Variants in ADAM12 observed in about 807,000 individuals in gnomAD.
The protein encoded by ADAM12 is ADAM metallopeptidase domain 12.
ADAM12 carries 70 observed loss-of-function variants against 106.4 expected under a neutral mutation model. The ratio of observed to expected loss-of-function variants is 0.66; its 90% CI spans 0.54 to 0.80. The LOEUF is 0.80. ADAM12 is among the 30% of genes least tolerant of loss of function. ADAM12 has a pLI of 0.00. For missense variants in ADAM12, 1,010 were observed against 1,171.9 expected, an observed-to-expected ratio of 0.86 and a Z score of 2.02; for synonymous variants, 420 against 433.5, an observed-to-expected ratio of 0.97 and a Z score of 0.39.
At chr10:126,287,513 T>C (rs1959925366) in intron 2 of ADAM12, among the ~76,000 whole-genome samples, 2 of 152,148 alleles carry the variant, frequency 1.3e-5, no homozygotes, top group Admixed American at 6.5e-5. Flanking sequence ...AGCTTAGTGA[T>C]GCCCTTTCTT....
rs1309349876 is a variant in ADAM12 at position 126,066,939 on chromosome 10, C to A, written c.1324-133G>T. On this transcript the variant is annotated intron_variant, in intron 12 of 22. Transcript: ENST00000448723. This position sits in a 1 kb window ranked among gnomAD's most constrained non-coding sequence, Gnocchi z 5.1. ...GCCCAGCTCCTGAACTGCACACCTGCCTGTTTCCGTCTGTTAGGAAAGCAA... is the reference window on the plus strand; with the variant it reads ...GCCCAGCTCCTGAACTGCACACCTGACTGTTTCCGTCTGTTAGGAAAGCAA... 1.1e-5 allele frequency: 9 copies of A among 803,768 alleles called. No individual in the cohort carries two copies. The highest frequency in any genetic ancestry group is 1.8e-5 in the Non-Finnish European group (9 of 490,638). 49.8% of individuals were successfully genotyped at this position (803,768 alleles called of 1,614,324 possible).
intron 3 of ADAM12, among the ~76,000 whole-genome samples, chr10:126,246,897 G>C (rs1424842034): frequency 2.0e-5 from 3 of 152,180 alleles, no homozygotes; most frequent in Non-Finnish European, 4.4e-5. Context: ...TCAGGCAAGA[G>C]AAAGTATTAA....
chr10:126,336,167 A>G (rs1366976468), intron 1 of ADAM12, among the ~76,000 whole-genome samples: 2 of 152,204 alleles, frequency 1.3e-5, no homozygotes, highest in African/African-American at 4.8e-5. Flanking sequence ...TACAATACTA[A>G]GGTAAGATGT....
chr10:126,160,661 G>T (rs1956916198), intron 3 of ADAM12, among the ~76,000 whole-genome samples: 1 of 152,156 alleles, frequency 6.6e-6, no homozygotes, highest in South Asian at 2.1e-4. Context: ...ACTTCCTCAG[G>T]TCCTGCTTGG....
intron 5 of ADAM12, among the ~76,000 whole-genome samples, chr10:126,130,624 G>C (rs1011884207): frequency 1.3e-5 from 2 of 152,202 alleles, no homozygotes; most frequent in Non-Finnish European, 2.9e-5. Context: ...TCTGGCCAGC[G>C]AGGTCGTCAC....
chr10:126,160,880 C>T (rs149828084), intron 3 of ADAM12, among the ~76,000 whole-genome samples: 3 of 152,350 alleles, frequency 2.0e-5, no homozygotes, highest in African/African-American at 7.2e-5. Context: ...GATCCTCTCC[C>T]TCTGAGGGCC....
At chr10:126,361,154 G>A (rs1648508626) in intron 1 of ADAM12, among the ~76,000 whole-genome samples, 1 of 151,970 alleles carries the variant, frequency 6.6e-6, no homozygotes, top group East Asian at 1.9e-4. Flanking sequence ...GATTTTGGTG[G>A]GGACACAGCC....
intron 1 of ADAM12, among the ~76,000 whole-genome samples, chr10:126,379,465 C>A (rs1398370068): frequency 6.6e-6 from 1 of 152,114 alleles, no homozygotes; most frequent in Non-Finnish European, 1.5e-5. Flanking sequence ...ACCGCATGTT[C>A]TCACCCATAA....
chr10:126,163,894 G>A (rs1407754829), intron 3 of ADAM12, among the ~76,000 whole-genome samples: 4 of 152,148 alleles, frequency 2.6e-5, no homozygotes, highest in African/African-American at 4.8e-5. Flanking sequence ...TCATAGAAAC[G>A]CAACCCAATC....
chr10:126,055,570 C>T (rs1954611756), intron 14 of ADAM12, among the ~76,000 whole-genome samples: 1 of 152,134 alleles, frequency 6.6e-6, no homozygotes, highest in Non-Finnish European at 1.5e-5. Flanking sequence ...TAGCAACTTG[C>T]CGAAGATCAC....
intron 2 of ADAM12, among the ~76,000 whole-genome samples, chr10:126,321,912 G>T (rs890326974): frequency 5.8e-5 from 8 of 138,580 alleles, no homozygotes; most frequent in African/African-American, 2.6e-5. Flanking sequence ...GGTCGGGGGG[G>T]GGGCTTCAGC....
Position 126,136,609 on chromosome 10 carries a change from G to A in ADAM12, c.340-949C>T, listed in dbSNP as rs1055502536. Among the ~76,000 whole-genome samples, 3 of 152,188 alleles carry A rather than the reference G, an allele frequency of 2.0e-5. No homozygotes were observed. The East Asian group carries it at 5.8e-4, about 29-fold the overall frequency. ...ACAGTCATGCACTTTGTCCAGCGCAGAGCTTGGTGTCCAGTCATTCTGCCC... is the reference window on the plus strand; with the variant it reads ...ACAGTCATGCACTTTGTCCAGCGCAAAGCTTGGTGTCCAGTCATTCTGCCC... On this transcript the variant is annotated intron_variant, in intron 4 of 22. Coordinates refer to ENST00000448723, the MANE Select transcript of ADAM12 (RefSeq NM_001288973.2).
In ADAM12 at chr10:126,175,267, G is replaced by C. The variant is rs143261484; in HGVS notation, c.261-19962C>G. Among the ~76,000 whole-genome samples, 72 of 152,300 alleles carry C rather than the reference G, an allele frequency of 4.7e-4. 1 individual carries two copies. The East Asian group carries it at 0.012, about 26-fold the overall frequency. Reference sequence around the variant, plus strand: ...ACACAGCACCGGAAGACCAGTGTGCGTGGAGGCCACTGGGCCACACAGCCA... The same window carrying C: ...ACACAGCACCGGAAGACCAGTGTGCCTGGAGGCCACTGGGCCACACAGCCA... On this transcript the variant is annotated intron_variant, in intron 3 of 22. Coordinates refer to ENST00000448723, the MANE Select transcript of ADAM12 (RefSeq NM_001288973.2).
chr10:126,082,709 T>A lies in ADAM12; in HGVS notation c.1146-11055A>T, dbSNP rs1396204007. 2.0e-5 allele frequency among the ~76,000 whole-genome samples: 3 copies of A among 152,266 alleles called. No individual in the cohort carries two copies. In the East Asian group the frequency reaches 5.8e-4, roughly 29 times the overall value. On this transcript the variant is annotated intron_variant, in intron 11 of 22. Transcript: ENST00000448723. ...TCATTCCATAACTAGCTTGCTGAGC[T>A]TTTCCAAAAACAACTTAGCCATTCT...
At chr10:126,364,779 GA>G (rs1488749592) in intron 1 of ADAM12, among the ~76,000 whole-genome samples, 2 of 151,978 alleles carry the variant, frequency 1.3e-5, no homozygotes, top group African/African-American at 4.8e-5. Context: ...AATAAGGGGG[GA>G]AATTAAACTG....
intron 3 of ADAM12, among the ~76,000 whole-genome samples, chr10:126,198,023 T>C (rs1250197942): frequency 2.0e-5 from 3 of 152,204 alleles, no homozygotes; most frequent in African/African-American, 7.2e-5. Context: ...AAGACATGTG[T>C]TCCAAATTAA....
intron 2 of ADAM12, among the ~76,000 whole-genome samples, chr10:126,279,958 G>A (rs1959485179): frequency 6.6e-6 from 1 of 152,108 alleles, no homozygotes; most frequent in Non-Finnish European, 1.5e-5. Flanking sequence ...TCGGTACTAG[G>A]CTTGTATGAA....
intron 3 of ADAM12, among the ~76,000 whole-genome samples, chr10:126,216,176 G>C (rs1402604776): frequency 1.3e-5 from 2 of 152,194 alleles, no homozygotes; most frequent in African/African-American, 4.8e-5. Context: ...TGTGCCCTCT[G>C]TAGACATGTC....
At chr10:126,218,064 T>C (rs1358008866) in intron 3 of ADAM12, among the ~76,000 whole-genome samples, 2 of 152,120 alleles carry the variant, frequency 1.3e-5, no homozygotes, top group Non-Finnish European at 2.9e-5. Flanking sequence ...TAAGGATTTT[T>C]TGGTACTAGG....
Sources: gnomAD v4.1 joint callset for allele counts (sites outside exome capture counted in the v4.1 genomes callset) on GRCh38, gnomAD v4.1.1 for gene constraint, Gnocchi (gnomAD v3.1) non-coding constraint, MANE v1.5 for transcripts, NCBI Gene and HGNC (gene_info 2026-07-23, HGNC 2026-07-21) for gene names.